Variants in PMEL observed in about 807,000 individuals in gnomAD.
PMEL encodes premelanosome protein.
PMEL carries 53 observed loss-of-function variants against 64.9 expected under a neutral mutation model. That is an observed-to-expected ratio of 0.82 (90% CI 0.66 to 1.03). The LOEUF (loss-of-function observed/expected upper bound fraction) is 1.03, where lower values mean the gene tolerates loss of function less well. Among genes scored for constraint, PMEL ranks in the 50% least tolerant of loss-of-function variants. The pLI is 0.00. For synonymous variants in PMEL, 299 were observed against 316.2 expected (o/e 0.95, Z 0.58); for missense variants, 716 against 814.9 (o/e 0.88, Z 1.48).
chr12:55,957,671 T>G lies in PMEL; in HGVS notation c.632A>C (p.Asp211Ala). ...CACGCTCACGGAGAAAGGCACCTGG[T>G]CTGGGATTGGAGCCAGAAAAGGTGA... is the stretch of plus-strand genomic sequence containing the variant. Reference protein sequence around the residue: ...AHSSSAFTITDQVPFSVSVSQ... With the variant: ...AHSSSAFTITAQVPFSVSVSQ... Residue 211 changes from aspartate to alanine, a missense_variant and splice_region_variant, in exon 6 of 11, where the codon GAC becomes GCC. Physicochemically the swap from Asp to Ala is moderately radical, Grantham distance 126. Coordinates refer to ENST00000548747, the MANE Select transcript of PMEL (RefSeq NM_001384361.1). The G allele has an allele frequency of 1.2e-6, 2 of 1,608,056 alleles. No individual in the cohort carries two copies. Among genetic ancestry groups the G allele is most frequent in the Non-Finnish European group, 1.7e-6 (2 of 1,176,772 alleles).
intron 1 of PMEL, among the ~76,000 whole-genome samples, chr12:55,964,263 C>T (rs913488077): frequency 2.0e-5 from 3 of 151,582 alleles, no homozygotes; most frequent in Non-Finnish European, 4.4e-5. Flanking sequence ...CGGGTTCAAG[C>T]GATTCTCCTG....
chr12:55,955,847 G>A lies in PMEL; in HGVS notation c.1488C>T (p.Ala496=), dbSNP rs201143678. ...CGGACGGCACAGCCTGCAGGATCTC[G>A]GCACTTTCAATACCCTCTGCAGAGT... The part of the protein sequence containing the change: ...TLDIVQGIES[A]EILQAVPSGE... The change falls in exon 8 of 11, where the codon GCC becomes GCT. Residue 496 remains alanine (A), a synonymous_variant. Transcript: ENST00000548747. 439 of 1,613,900 alleles carry A rather than the reference G, an allele frequency of 2.7e-4. 1 individual carries two copies. Among genetic ancestry groups the A allele is most frequent in the Non-Finnish European group, 3.6e-4 (423 of 1,179,826 alleles).
At chr12:55,960,611 C>T (rs1410340954) in intron 3 of PMEL, among the ~76,000 whole-genome samples, 1 of 135,440 alleles carries the variant, frequency 7.4e-6, no homozygotes, top group African/African-American at 2.9e-5. Context: ...GGCATGATCT[C>T]GGTTCACTGC....
At position 55,957,076 on chromosome 12, in the gene PMEL, C is replaced by T. The variant is rs772761882; in HGVS notation, c.1227G>A (p.Val409=). ...GMTPAEVSIV[V]LSGTTAAQVT... ...CCTGTGCAGCTGTGGTTCCAGAAAG[C>T]ACCACAATTGATACCTCTGCAGGTG... The change falls in exon 6 of 11, where the codon GTG becomes GTA. Residue 409 remains valine, a synonymous_variant. Transcript: ENST00000548747. 1.9e-6 allele frequency: 3 copies of T among 1,614,222 alleles called. No homozygotes were observed. Among genetic ancestry groups the T allele is most frequent in the Non-Finnish European group, 2.5e-6 (3 of 1,180,030 alleles).
rs2136435669 is a variant in PMEL, at chr12:55,955,590, G to T, written c.1636C>A (p.Pro546Thr). 3 of 1,614,002 alleles carry T rather than the reference G, an allele frequency of 1.9e-6. No individual in the cohort carries two copies. The East Asian group carries it at 6.7e-5, about 36-fold the overall frequency. Residue 546 changes from proline (P) to threonine (T), a missense_variant, in exon 9 of 11, where the codon CCC (proline) becomes ACC (threonine). Pro to Thr is a conservative substitution (Grantham distance 38). Transcript: ENST00000548747. The part of the protein sequence containing the change: ...PAQRLCQPVL[P>T]SPACQLVLHQ... ...AGAACCAGCTGGCAGGCTGGGCTGG[G>T]TAGCACAGGCTGGCACAGCCGCTGG...
rs374810227 is a variant in PMEL, at chr12:55,957,183, T to C, written c.1120A>G (p.Met374Val). 23 of 1,614,096 alleles carry C rather than the reference T, an allele frequency of 1.4e-5. No homozygotes were observed. Among genetic ancestry groups the C allele is most frequent in the Admixed American group, 3.3e-5 (2 of 60,012 alleles). The change falls in exon 6 of 11, where the codon ATG becomes GTG. Residue 374 changes from methionine (M) to valine (V), a missense_variant. Coordinates refer to ENST00000548747, the MANE Select transcript of PMEL (RefSeq NM_001384361.1). ...VQMPTAESTG[M>V]TPEKVPVSEV... ...GAAACTGGCACCTTCTCAGGTGTCA[T>C]ACCTGTGCTCTCTGCAGTTGGCATC...
At chr12:55,955,429 C>T in intron 9 of PMEL, 35 bp downstream of exon 9, 1 of 1,612,976 alleles carries the variant, frequency 6.2e-7, no homozygotes, top group Non-Finnish European at 8.5e-7. Context: ...TCTATCCACT[C>T]CCTTCCTCAT....
rs1188269306 is a variant in PMEL, at chr12:55,957,125, G to C, written c.1178C>G (p.Ser393Ter). Reference protein sequence around the residue: ...EVMGTTLAEMSTPEATGMTPA... With the variant: ...EVMGTTLAEM ...TGTCATACCTGTAGCCTCTGGAGTTGACATCTCTGCCAGTGTGGTACCCAT... is the reference window on the plus strand; with the variant it reads ...TGTCATACCTGTAGCCTCTGGAGTTCACATCTCTGCCAGTGTGGTACCCAT... The change falls in exon 6 of 11, where the codon TCA becomes TGA. Residue 393 changes from serine (S) to a stop codon, truncating the protein, a stop_gained. Transcript: ENST00000548747. LOFTEE classifies it high-confidence loss of function. 3.1e-6 allele frequency: 5 copies of C among 1,614,180 alleles called. No individual in the cohort carries two copies. Among genetic ancestry groups the C allele is most frequent in the Non-Finnish European group, 4.2e-6 (5 of 1,180,028 alleles).
chr12:55,956,334 G>T, intron 6 of PMEL, 115 bp from the exon 7 acceptor site: 1 of 695,832 alleles, frequency 1.4e-6, no homozygotes. Flanking sequence ...TGGAGTCACA[G>T]GCTTGGAATC....
At chr12:55,960,548 T>TG (rs1889064569) in intron 3 of PMEL, among the ~76,000 whole-genome samples, 2 of 141,068 alleles carry the variant, frequency 1.4e-5, no homozygotes, top group African/African-American at 5.5e-5. Flanking sequence ...TTTTTTTTTT[T>TG]TTTTTTTTTT....
chr12:55,966,639 G>A (rs1249589537), upstream of PMEL: 9 of 1,048,918 alleles, frequency 8.6e-6, no homozygotes, highest in East Asian at 1.6e-4. Context: ...CCGCCCCACC[G>A]GGGAAGAAAC....
In PMEL at chr12:55,957,282, G is replaced by A. The variant is rs1323914202; in HGVS notation, c.1021C>T (p.Pro341Ser). 6.2e-6 allele frequency: 10 copies of A among 1,612,730 alleles called. No homozygotes were observed. Among genetic ancestry groups the A allele is most frequent in the African/African-American group, 1.3e-5 (1 of 75,004 alleles). Residue 341 changes from proline to serine, a missense_variant, in exon 6 of 11, where the codon CCA becomes TCA. Transcript: ENST00000548747. ...GTGGTTCCAGAGGGCTCTGCAGTTG[G>A]CGCCTGACCAGGTGTAGTACCCACA... ...EVVGTTPGQA[P>S]TAEPSGTTSV...
chr12:55,955,732 A>C, intron 8 of PMEL, 47 bp downstream of exon 8: 1 of 1,608,836 alleles, frequency 6.2e-7, no homozygotes, highest in Non-Finnish European at 8.5e-7. Flanking sequence ...CAGAGAGCGG[A>C]GAAACAGTCA....
intron 7 of PMEL, 44 bp from the exon 8 acceptor site, chr12:55,955,907 C>T (rs764926026): frequency 6.3e-5 from 98 of 1,546,888 alleles, no homozygotes; most frequent in Non-Finnish European, 1.7e-5. Context: ...CTCTACCTGG[C>T]CTCCCCAAAA....
rs139417066 is a variant in PMEL at position 55,957,649 on chromosome 12, G to A, written c.654C>T (p.Ser218=). 3.4e-4 allele frequency: 549 copies of A among 1,611,892 alleles called. 1 individual carries two copies. In the African/African-American group the frequency reaches 5.4e-3, roughly 16 times the overall value. The part of the protein sequence containing the change: ...TITDQVPFSV[S]VSQLRALDGG... Reference sequence around the variant, plus strand: ...CATCCAAGGCCCGCAACTGGGACACGCTCACGGAGAAAGGCACCTGGTCTG... The same window carrying A: ...CATCCAAGGCCCGCAACTGGGACACACTCACGGAGAAAGGCACCTGGTCTG... Residue 218 remains serine, a synonymous_variant, in exon 6 of 11, where the codon AGC becomes AGT. Transcript: ENST00000548747.
At chr12:55,963,187 G>C (rs1889171336) in intron 1 of PMEL, among the ~76,000 whole-genome samples, 1 of 152,008 alleles carries the variant, frequency 6.6e-6, no homozygotes, top group Non-Finnish European at 1.5e-5. Context: ...TTTTGAACAT[G>C]ATCAAATTTG....
intron 6 of PMEL, 56 bp downstream of exon 6, chr12:55,956,893 C>G: frequency 1.9e-6 from 3 of 1,565,926 alleles, no homozygotes; most frequent in South Asian, 1.2e-5. Flanking sequence ...GTAAGACTTA[C>G]AGAGTAGAGT....
chr12:55,958,733 C>T, intron 3 of PMEL, 126 bp from the exon 4 acceptor site: 1 of 959,998 alleles, frequency 1.0e-6, no homozygotes, highest in Non-Finnish European at 1.5e-6. Context: ...AAAGTACATT[C>T]TCCATGATAT....
rs201743690 is a variant in PMEL at position 55,957,491 on chromosome 12, G to C, written c.812C>G (p.Ser271Cys). The change falls in exon 6 of 11, where the codon TCT becomes TGT. Residue 271 changes from serine (S) to cysteine (C), a missense_variant. Ser to Cys is a moderately radical substitution (Grantham distance 112). Transcript: ENST00000548747. ...DFGDSSGTLI[S>C]RALVVTHTYL... Reference sequence around the variant, plus strand: ...AGTATGAGTGACCACAAGTGCCCGAGAGATCAGGGTTCCACTACTGTCTCC... The same window carrying C: ...AGTATGAGTGACCACAAGTGCCCGACAGATCAGGGTTCCACTACTGTCTCC... 2.5e-6 allele frequency: 4 copies of C among 1,614,032 alleles called. No individual in the cohort carries two copies. In the South Asian group the frequency reaches 3.3e-5, roughly 13 times the overall value.
Sources: gnomAD v4.1 joint callset for allele counts (sites outside exome capture counted in the v4.1 genomes callset) on GRCh38, gnomAD v4.1.1 for gene constraint, MANE v1.5 for transcripts, NCBI Gene and HGNC (gene_info 2026-07-23, HGNC 2026-07-21) for gene names.